Variants in TRDN observed in about 807,000 individuals in gnomAD.
TRDN encodes triadin.
Under a neutral mutation model 149.7 loss-of-function variants are expected in TRDN, and 161 were observed. The observed-to-expected ratio is 1.08, with a 90% CI of 0.95 to 1.23. The LOEUF is 1.23. Among genes scored for constraint, TRDN ranks in the 50% most tolerant of loss-of-function variants. The pLI, the probability that TRDN is intolerant of heterozygous loss-of-function variation, is 0.00. For missense variants in TRDN, 896 were observed against 823.5 expected (o/e 1.09, Z -1.08); for synonymous variants, 294 against 250.5 (o/e 1.17, Z -1.64).
intron 38 of TRDN, among the ~76,000 whole-genome samples, chr6:123,235,818 C>T (rs1775766620): frequency 1.3e-5 from 2 of 152,244 alleles, no homozygotes; most frequent in South Asian, 2.1e-4. Flanking sequence ...ACCTTTGGAG[C>T]TTAGCTTCAG....
intron 1 of TRDN, among the ~76,000 whole-genome samples, chr6:123,630,566 A>G (rs970226670): frequency 6.6e-6 from 1 of 151,826 alleles, no homozygotes; most frequent in South Asian, 2.1e-4. Flanking sequence ...TGAATTTTAA[A>G]TTACAGTCAT....
intron 9 of TRDN, among the ~76,000 whole-genome samples, chr6:123,466,095 CCAAA>C (rs1338005357): frequency 6.6e-6 from 1 of 152,076 alleles, no homozygotes. Flanking sequence ...TGTATAGAAG[CCAAA>C]CATACTGTTT....
chr6:123,299,710 A>T (rs1778334327), intron 24 of TRDN, among the ~76,000 whole-genome samples: 1 of 152,016 alleles, frequency 6.6e-6, no homozygotes, highest in South Asian at 2.1e-4. Flanking sequence ...AAATTCTATT[A>T]TATTAATCCA....
chr6:123,437,831 T>TG (rs900579004), intron 12 of TRDN, among the ~76,000 whole-genome samples: 68 of 151,896 alleles, frequency 4.5e-4, no homozygotes, highest in African/African-American at 1.5e-3. Flanking sequence ...TGCGTTTTTT[T>TG]GGGGGGGAAT....
chr6:123,602,998 T>A, intron 1 of TRDN, among the ~76,000 whole-genome samples: 1 of 152,158 alleles, frequency 6.6e-6, no homozygotes, highest in East Asian at 1.9e-4. Flanking sequence ...TGAATTTTAA[T>A]GTTGGATGTA....
intron 12 of TRDN, among the ~76,000 whole-genome samples, chr6:123,433,597 TA>T (rs1293634482): frequency 1.3e-5 from 2 of 152,148 alleles, no homozygotes; most frequent in Non-Finnish European, 2.9e-5. Flanking sequence ...TATGTGGTTT[TA>T]ATATCCTTCT....
chr6:123,558,430 C>A (rs1237911326), intron 2 of TRDN, among the ~76,000 whole-genome samples: 2 of 152,076 alleles, frequency 1.3e-5, no homozygotes, highest in African/African-American at 2.4e-5. Flanking sequence ...CCCACCTGCC[C>A]AGCAATTTCC....
rs181287533 is a variant in TRDN, at chr6:123,548,606, G to A, written c.239C>T (p.Ser80Phe). Reference protein sequence around the residue: ...LVDYKNFSASSIAKIGSDPLK... With the variant: ...LVDYKNFSASFIAKIGSDPLK... The stretch of plus-strand genomic sequence containing the variant: ...AGGATCTGAGCCAATCTTGGCAATA[G>A]AGCTTGCTAAAAGTAATTAAAAAAA... The change falls in exon 3 of 41, where the codon TCT becomes TTT. Residue 80 changes from serine to phenylalanine, a missense_variant. Ser to Phe is a radical substitution (Grantham distance 155). Coordinates refer to ENST00000334268, the MANE Select transcript of TRDN (RefSeq NM_006073.4). The A allele has an allele frequency of 5.9e-5, 82 of 1,401,120 alleles. 1 individual carries two copies. In the Admixed American group the frequency reaches 2.5e-3, roughly 43 times the overall value. The allele number at this position is 1,401,120 out of a possible 1,614,324, so 86.8% of individuals were successfully genotyped here. A position where few individuals can be genotyped will look rare whatever the true frequency, so the allele number is the denominator to read the frequency against.
intron 1 of TRDN, among the ~76,000 whole-genome samples, chr6:123,582,899 G>T (rs1783203925): frequency 6.6e-6 from 1 of 152,028 alleles, no homozygotes; most frequent in African/African-American, 2.4e-5. Flanking sequence ...GAGAGATTAA[G>T]CTGAAGGAAG....
chr6:123,318,980 C>A (rs1779140771), intron 23 of TRDN, among the ~76,000 whole-genome samples: 1 of 152,070 alleles, frequency 6.6e-6, no homozygotes, highest in African/African-American at 2.4e-5. Context: ...AGGACAAGTT[C>A]TTTTGGTGTA....
At chr6:123,260,513 C>G in intron 34 of TRDN, 99 bp downstream of exon 34, 1 of 1,257,196 alleles carries the variant, frequency 8.0e-7, no homozygotes, top group Non-Finnish European at 1.1e-6. Context: ...GGAATTTGAG[C>G]AGCTAAGGGA....
intron 24 of TRDN, among the ~76,000 whole-genome samples, chr6:123,287,565 T>C (rs1777845294): frequency 6.6e-6 from 1 of 152,158 alleles, no homozygotes; most frequent in Non-Finnish European, 1.5e-5. Context: ...CGTAATTGTA[T>C]ATATTATGTT....
Position 123,218,566 on chromosome 6 carries a change from A to T in TRDN, c.*35T>A, listed in dbSNP as rs764097846. On this transcript the variant is annotated 3_prime_UTR_variant, in exon 41 of 41. Transcript: ENST00000334268. ...GTGGACAAAACATCACATTTTTAAAATCTTAAAGCACTTGTAAGGGTCATA... is the reference window on the plus strand; with the variant it reads ...GTGGACAAAACATCACATTTTTAAATTCTTAAAGCACTTGTAAGGGTCATA... 6.3e-7 allele frequency: 1 copy of T among 1,578,686 alleles called. No homozygotes were observed. The highest frequency in any genetic ancestry group is 8.6e-7 in the Non-Finnish European group (1 of 1,164,404).
intron 33 of TRDN, among the ~76,000 whole-genome samples, chr6:123,262,033 C>T (rs1776790047): frequency 2.0e-5 from 3 of 151,866 alleles, no homozygotes; most frequent in Non-Finnish European, 4.4e-5. Flanking sequence ...GATTGAAATG[C>T]TCAATTTTTA....
In TRDN at chr6:123,512,312, G is replaced by C. The variant is rs6902416; in HGVS notation, c.601C>G (p.Leu201Val). Residue 201 changes from leucine (L) to valine (V), a missense_variant, in exon 7 of 41, where the codon CTG becomes GTG. Physicochemically the swap from Leu to Val is conservative, Grantham distance 32. Transcript: ENST00000334268. Reference sequence around the variant, plus strand: ...TAAATTGAAAAGTTACCTTTCGCCAGTGTCTTTGTTTCTGGTTTTTCTTTT... The same window carrying C: ...TAAATTGAAAAGTTACCTTTCGCCACTGTCTTTGTTTCTGGTTTTTCTTTT... ...EKKEKPETKT[L>V]AKEQKKAKTA... 1,268,056 of 1,475,352 alleles carry C rather than the reference G, an allele frequency of 0.86. 546,877 individuals are homozygous for C. Among genetic ancestry groups the C allele is most frequent in the East Asian group, 0.89 (38,151 of 42,946 alleles). 91.4% of individuals were successfully genotyped at this position (1,475,352 alleles called of 1,614,324 possible).
chr6:123,532,717 T>C (rs1780307757), intron 4 of TRDN, among the ~76,000 whole-genome samples: 1 of 151,860 alleles, frequency 6.6e-6, no homozygotes. Flanking sequence ...CCCTGACTGA[T>C]ACATTGAATT....
intron 24 of TRDN, among the ~76,000 whole-genome samples, chr6:123,288,042 T>C (rs1357785690): frequency 6.6e-6 from 1 of 151,956 alleles, no homozygotes; most frequent in Non-Finnish European, 1.5e-5. Flanking sequence ...CTATTATGCA[T>C]AGATTAATTT....
intron 8 of TRDN, chr6:123,502,327 T>C: frequency 2.4e-6 from 2 of 822,926 alleles, no homozygotes; most frequent in Non-Finnish European, 2.9e-6. Context: ...AAGTAATAAT[T>C]AACTTTTAAA....
At chr6:123,631,181 A>G (rs1426068491) in intron 1 of TRDN, among the ~76,000 whole-genome samples, 1 of 151,422 alleles carries the variant, frequency 6.6e-6, no homozygotes, top group East Asian at 1.9e-4. Flanking sequence ...GAAGTTTCAG[A>G]GTCAGACTAA....
Sources: allele counts gnomAD v4.1 joint callset (sites outside exome capture counted in the v4.1 genomes callset), GRCh38; gene constraint gnomAD v4.1.1; transcripts MANE v1.5; gene names NCBI Gene and HGNC (gene_info 2026-07-23, HGNC 2026-07-21).